The following FAM161A variants were observed in gnomAD, a reference collection of about 807,000 sequenced individuals.
FAM161A encodes the protein protein FAM161A.
A neutral mutation model predicts 70.9 loss-of-function variants in FAM161A; 57 were observed. The observed-to-expected ratio is 0.80, with a 90% CI of 0.65 to 1.00. FAM161A has a LOEUF of 1.00. FAM161A is among the 50% of genes least tolerant of loss of function. The pLI, the probability that FAM161A is intolerant of heterozygous loss-of-function variation, is 0.00. For synonymous variants in FAM161A, 299 were observed against 295.7 expected (o/e 1.01, Z -0.12); for missense variants, 880 against 836.0 (o/e 1.05, Z -0.65).
the FAM161A span, among the ~76,000 whole-genome samples, chr2:61,817,376 G>A: frequency 6.6e-6 from 1 of 152,128 alleles, no homozygotes; most frequent in South Asian, 2.1e-4. Flanking sequence ...TCTGTACCTG[G>A]TACAAGCTCT....
intron 1 of FAM161A, among the ~76,000 whole-genome samples, chr2:61,848,916 TTATATATATTTA>T (rs1673351811): frequency 0.012 from 8 of 660 alleles, 2 homozygotes; most frequent in African/African-American, 0.012. Context: ...ATTTATATAT[TTATATATATTTA>T]TATATATATA....
At chr2:61,826,732 C>T (rs1305439087) in intron 6 of FAM161A, 133 bp from the exon 7 acceptor site, 4 of 654,582 alleles carry the variant, frequency 6.1e-6, no homozygotes, top group Non-Finnish European at 9.0e-6. Context: ...ACCAAGACAA[C>T]TCAAAAAAAA....
intron 1 of FAM161A, among the ~76,000 whole-genome samples, chr2:61,844,591 C>T (rs567897212): frequency 2.0e-5 from 3 of 152,158 alleles, no homozygotes; most frequent in South Asian, 2.1e-4. Flanking sequence ...CCCAGCTACT[C>T]GGGAGGCTGA....
chr2:61,847,885 T>G (rs1673286878), intron 1 of FAM161A, among the ~76,000 whole-genome samples: 1 of 152,062 alleles, frequency 6.6e-6, no homozygotes, highest in South Asian at 2.1e-4. Context: ...GAATATTTAC[T>G]GAATGAATGA....
chr2:61,805,687 C>A, the FAM161A span, among the ~76,000 whole-genome samples: 2 of 152,116 alleles, frequency 1.3e-5, no homozygotes, highest in African/African-American at 4.8e-5. Flanking sequence ...GGTGTGCAGA[C>A]CCCAGTTCAG....
chr2:61,824,359 T>C (rs1286919012), downstream of FAM161A, among the ~76,000 whole-genome samples: 1 of 152,118 alleles, frequency 6.6e-6, no homozygotes, highest in East Asian at 1.9e-4. Context: ...CCCTCTTTTT[T>C]TAACTTTGGT....
At chr2:61,800,325 A>C in the FAM161A span, among the ~76,000 whole-genome samples, 2 of 152,238 alleles carry the variant, frequency 1.3e-5, no homozygotes, top group Non-Finnish European at 2.9e-5. Flanking sequence ...GTCTGCATGC[A>C]TGTAAACAGA....
intron 2 of FAM161A, 109 bp from the exon 3 acceptor site, chr2:61,840,690 GC>G: frequency 1.2e-6 from 1 of 854,590 alleles, no homozygotes. Context: ...TCACTCTGTT[GC>G]CCAGGTTGGA....
downstream of FAM161A, among the ~76,000 whole-genome samples, chr2:61,821,118 T>C (rs1672194107): frequency 6.6e-6 from 1 of 151,666 alleles, no homozygotes; most frequent in South Asian, 2.1e-4. Context: ...AGTGGCACAA[T>C]CTCAGCTCAC....
At position 61,827,609 on chromosome 2, in the gene FAM161A, C is replaced by CAAA. The variant is rs71644452; in HGVS notation, c.1852-354_1852-352dup. Among the ~76,000 whole-genome samples, 732 of 107,676 alleles carry CAAA rather than the reference C, an allele frequency of 6.8e-3. 15 individuals carry two copies. The highest frequency in any genetic ancestry group is 0.024 in the African/African-American group (626 of 26,594). 70.6% of individuals were successfully genotyped at this position (107,676 alleles called of 152,430 possible). ...TGGGTGACAGAACAAGACTCTGTCT[C>CAAA]AAAAAAAAAAAAAAAAAAAATATGG... On this transcript the variant is annotated intron_variant, in intron 5 of 6. Transcript: ENST00000404929.
chr2:61,816,420 C>T, the FAM161A span, among the ~76,000 whole-genome samples: 4 of 152,160 alleles, frequency 2.6e-5, no homozygotes, highest in East Asian at 5.8e-4. Context: ...AGGATTTATT[C>T]TCTCTCTACC....
intron 1 of FAM161A, among the ~76,000 whole-genome samples, chr2:61,848,912 ATATTTATATATATTTATATATATATATT>A (rs1558491843): frequency 0.083 from 159 of 1,912 alleles, 51 homozygotes; most frequent in East Asian, 0.46. Context: ...ATATATTTAT[ATATTTATATATATTTATATATATATATT>A]TATATATATT....
chr2:61,851,097 C>G (rs1194945520), intron 1 of FAM161A, among the ~76,000 whole-genome samples: 1 of 151,968 alleles, frequency 6.6e-6, no homozygotes, highest in African/African-American at 2.4e-5. Context: ...TGGTCTTGAA[C>G]TCCCAACCTC....
Position 61,839,403 on chromosome 2 carries a change from T to C in FAM161A, c.1583+18A>G, listed in dbSNP as rs1292865691. On this transcript the variant is annotated intron_variant, in intron 3 of 6. Transcript: ENST00000404929. ...CTGGCAACCATGAGTCAGTCAGTAC[T>C]GCGTCCTACTTACTTACCTTACGGC... 4 of 1,613,840 alleles carry C rather than the reference T, an allele frequency of 2.5e-6. No individual in the cohort carries two copies. Among genetic ancestry groups the C allele is most frequent in the Admixed American group, 1.7e-5 (1 of 60,012 alleles).
chr2:61,822,181 AAC>A (rs1189900750), downstream of FAM161A, among the ~76,000 whole-genome samples: 2 of 152,046 alleles, frequency 1.3e-5, no homozygotes, highest in African/African-American at 4.8e-5. Context: ...CTGTAATCCT[AAC>A]ACTTTGAGAA....
chr2:61,802,299 C>G, the FAM161A span, among the ~76,000 whole-genome samples: 1 of 152,194 alleles, frequency 6.6e-6, no homozygotes, highest in East Asian at 1.9e-4. Flanking sequence ...TCTCCCCATC[C>G]CATACCTAGG....
chr2:61,835,584 G>A (rs987330181), intron 5 of FAM161A: 1 of 161,106 alleles, frequency 6.2e-6, no homozygotes, highest in Non-Finnish European at 1.4e-5. Flanking sequence ...ATCTAACCAA[G>A]TTTGTACTGA....
chr2:61,803,220 TA>T, the FAM161A span: 1 of 590,708 alleles, frequency 1.7e-6, no homozygotes. Flanking sequence ...CCAAAATGTA[TA>T]AGACCACACT....
the FAM161A span, among the ~76,000 whole-genome samples, chr2:61,809,619 TGGG>T: frequency 2.0e-5 from 3 of 152,164 alleles, no homozygotes; most frequent in South Asian, 6.2e-4. Context: ...TTGGGGGAGA[TGGG>T]TAGGTTGTTT....
Sources: gnomAD v4.1 joint callset for allele counts (sites outside exome capture counted in the v4.1 genomes callset) on GRCh38, gnomAD v4.1.1 for gene constraint, MANE v1.5 for transcripts, NCBI Gene and HGNC (gene_info 2026-07-23, HGNC 2026-07-21) for gene names.